The following DPP6 variants were observed in gnomAD, a reference collection of about 807,000 sequenced individuals.
DPP6 encodes A-type potassium channel modulatory protein DPP6.
In DPP6, 69 loss-of-function variants were observed where a neutral mutation model predicts 122.6. The ratio of observed to expected loss-of-function variants is 0.56; its 90% CI spans 0.46 to 0.69. The LOEUF is 0.69. Ranked by LOEUF, DPP6 falls within the 30% of genes least tolerant of loss-of-function variation. DPP6 has a pLI of 0.00. For missense variants in DPP6, 928 were observed against 1,116.9 expected (o/e 0.83, Z 2.41); for synonymous variants, 418 against 433.1 (o/e 0.97, Z 0.43).
At chr7:154,740,549 T>C (rs1000154126) in intron 8 of DPP6, among the ~76,000 whole-genome samples, 2 of 152,216 alleles carry the variant, frequency 1.3e-5, no homozygotes, top group African/African-American at 4.8e-5. Context: ...ATCACTAGGG[T>C]GGACCAGATA....
At chr7:153,820,010 T>G in the DPP6 span, among the ~76,000 whole-genome samples, 1 of 152,226 alleles carries the variant, frequency 6.6e-6, no homozygotes, top group East Asian at 1.9e-4. Flanking sequence ...AATATAAAAT[T>G]ACATCTTCTT....
intron 3 of DPP6, among the ~76,000 whole-genome samples, chr7:154,499,024 A>G (rs1035080187): frequency 6.6e-6 from 1 of 152,216 alleles, no homozygotes; most frequent in African/African-American, 2.4e-5. Flanking sequence ...GCCTTGTGGT[A>G]GCTTTCAGCT....
At chr7:154,574,261 GTA>G (rs1831311041) in intron 5 of DPP6, among the ~76,000 whole-genome samples, 1 of 149,028 alleles carries the variant, frequency 6.7e-6, no homozygotes, top group African/African-American at 2.5e-5. Flanking sequence ...TGGTGTGTGT[GTA>G]TGTGTGTGGG....
chr7:154,346,951 A>C (rs561381014), intron 1 of DPP6, among the ~76,000 whole-genome samples: 6 of 151,972 alleles, frequency 3.9e-5, no homozygotes, highest in African/African-American at 1.4e-4. Flanking sequence ...ATGTAGTTCT[A>C]CTCTAGAGAT....
chr7:154,451,080 A>G (rs1229634339), intron 2 of DPP6, among the ~76,000 whole-genome samples: 3 of 152,056 alleles, frequency 2.0e-5, no homozygotes, highest in Admixed American at 6.6e-5. Context: ...AGAGTGGAAT[A>G]AGGCCGGTGT....
intron 5 of DPP6, among the ~76,000 whole-genome samples, chr7:154,634,209 A>G (rs1178346215): frequency 8.3e-6 from 1 of 119,832 alleles, no homozygotes; most frequent in Non-Finnish European, 1.6e-5. Flanking sequence ...CCCCTTCCTG[A>G]GTCCATGTGT....
intron 1 of DPP6, among the ~76,000 whole-genome samples, chr7:153,987,625 C>T (rs1458513370): frequency 2.6e-5 from 4 of 151,664 alleles, no homozygotes; most frequent in Non-Finnish European, 5.9e-5. Flanking sequence ...GGGAAATTGA[C>T]GTAGGAGCAG....
At chr7:154,505,816 T>C (rs1825623905) in intron 3 of DPP6, among the ~76,000 whole-genome samples, 1 of 152,146 alleles carries the variant, frequency 6.6e-6, no homozygotes, top group Non-Finnish European at 1.5e-5. Flanking sequence ...CTACTGTAAC[T>C]ACATTTTTTT....
chr7:154,396,665 C>G (rs2151176718), intron 1 of DPP6, among the ~76,000 whole-genome samples: 1 of 152,328 alleles, frequency 6.6e-6, no homozygotes, highest in African/African-American at 2.4e-5. Context: ...AGAGCACACA[C>G]AAAGTGTATT....
chr7:154,497,073 C>A (rs138157899), intron 3 of DPP6, among the ~76,000 whole-genome samples: 223 of 150,226 alleles, frequency 1.5e-3, no homozygotes, highest in African/African-American at 5.4e-3. Context: ...CCCCCATGAA[C>A]CATTGTAGGT....
At position 153,888,938 on chromosome 7, in the gene DPP6, G is replaced by A. The variant is rs569811197; in HGVS notation, c.51+1204G>A. Among the ~76,000 whole-genome samples the A allele has an allele frequency of 3.3e-5, 5 of 152,194 alleles. No homozygotes were observed. In the South Asian group the frequency reaches 1.0e-3, roughly 32 times the overall value. Reference sequence around the variant, plus strand: ...AGGCAGTGGTGCATTTTGAGATCTCGCTTTAAGCAAAACAGGCAATAAGTG... The same window carrying A: ...AGGCAGTGGTGCATTTTGAGATCTCACTTTAAGCAAAACAGGCAATAAGTG... On this transcript the variant is annotated intron_variant, in intron 1 of 25. Transcript: ENST00000404039.
chr7:154,588,296 A>G, intron 5 of DPP6: 1 of 760,808 alleles, frequency 1.3e-6, no homozygotes, highest in Non-Finnish European at 2.0e-6. Context: ...GTGAATACTG[A>G]ACTGATAATC....
chr7:154,799,959 G>A (rs918356384), intron 12 of DPP6, among the ~76,000 whole-genome samples: 2 of 152,188 alleles, frequency 1.3e-5, no homozygotes, highest in Non-Finnish European at 2.9e-5. Flanking sequence ...CATCACAACG[G>A]TGGAGGCCTT....
the DPP6 span, among the ~76,000 whole-genome samples, chr7:153,849,892 T>C: frequency 2.0e-5 from 3 of 152,166 alleles, no homozygotes; most frequent in Non-Finnish European, 4.4e-5. Flanking sequence ...TTTATTGAGT[T>C]AAAAAATCAA....
At chr7:154,572,340 T>C (rs1831161298) in intron 5 of DPP6, among the ~76,000 whole-genome samples, 1 of 151,922 alleles carries the variant, frequency 6.6e-6, no homozygotes, top group African/African-American at 2.4e-5. Context: ...TCTGGTCGAG[T>C]TACCTATTTA....
At position 154,770,513 on chromosome 7, in the gene DPP6, A is replaced by T. The variant is rs1232276044; in HGVS notation, c.1038+942A>T. Among the ~76,000 whole-genome samples the T allele has an allele frequency of 2.6e-5, 4 of 152,268 alleles. No individual in the cohort carries two copies. In the South Asian group the frequency reaches 8.3e-4, roughly 32 times the overall value. On this transcript the variant is annotated intron_variant, in intron 9 of 25. Coordinates refer to ENST00000377770, the MANE Select transcript of DPP6 (RefSeq NM_130797.4). ...GACCCCTCTCTGATTCCACCATGTG[A>T]CCATACAGCAAGAAAGCGTCCTCTG...
rs867753430 is a variant in DPP6, at chr7:154,587,740, C to T, written c.627+20824C>T. ...AAGTCAAGCCTGTAGCCCAGCTTGT[C>T]ACCAGGGCTGTTTTCTTCATTACAT... On this transcript the variant is annotated intron_variant, in intron 5 of 25. Transcript: ENST00000377770. 15 of 1,570,522 alleles carry T rather than the reference C, an allele frequency of 9.6e-6. 1 individual carries two copies. Among genetic ancestry groups the T allele is most frequent in the Middle Eastern group, 3.3e-4 (2 of 6,014 alleles).
chr7:154,274,318 C>G (rs1182921346), intron 1 of DPP6, among the ~76,000 whole-genome samples: 1 of 152,180 alleles, frequency 6.6e-6, no homozygotes, highest in Middle Eastern at 3.2e-3. Flanking sequence ...TCAGTCATAT[C>G]ACTATTCTTA....
In DPP6 at chr7:154,853,802, G is replaced by T. The variant is rs772245126; in HGVS notation, c.1689G>T (p.Thr563=). Residue 563 remains threonine, a synonymous_variant, in exon 17 of 26, where the codon ACG becomes ACT. Transcript: ENST00000377770. The stretch of plus-strand genomic sequence containing the variant: ...CAGGTCCTGGTGTTCCTATGGTGAC[G>T]GTGCACAACACAACAGATAAGAAAA... ...KCEGPGVPMV[T]VHNTTDKKKM... The T allele has an allele frequency of 2.5e-6, 4 of 1,613,708 alleles. No individual in the cohort carries two copies. The highest frequency in any genetic ancestry group is 3.4e-6 in the Non-Finnish European group (4 of 1,179,790).
Sources: allele counts gnomAD v4.1 joint callset (sites outside exome capture counted in the v4.1 genomes callset), GRCh38; gene constraint gnomAD v4.1.1; transcripts MANE v1.5; gene names NCBI Gene and HGNC (gene_info 2026-07-23, HGNC 2026-07-21).